TMEM167A: variants seen among roughly 807,000 people sequenced by gnomAD.
The protein encoded by TMEM167A is protein kish-A.
A neutral mutation model predicts 11.6 loss-of-function variants in TMEM167A; 8 were observed. The observed-to-expected ratio is 0.69, with a 90% CI of 0.40 to 1.24. The LOEUF is 1.24. Ranked by LOEUF, TMEM167A falls within the 50% of genes most tolerant of loss-of-function variation. The probability of loss-of-function intolerance (pLI) is 0.01; values close to 1 mark genes in which losing one functional copy is unlikely to be tolerated. For missense variants in TMEM167A, 62 were observed against 87.0 expected (o/e 0.71, Z 1.14); for synonymous variants, 22 against 28.0 (o/e 0.79, Z 0.67).
intron 1 of TMEM167A, among the ~76,000 whole-genome samples, chr5:83,067,732 C>CA (rs1375376353): frequency 2.0e-5 from 3 of 151,890 alleles, no homozygotes; most frequent in African/African-American, 7.2e-5. Context: ...AGGCTGGACT[C>CA]AAACTCTTGA....
chr5:83,060,723 C>T (rs539238736), intron 3 of TMEM167A, among the ~76,000 whole-genome samples: 6 of 151,364 alleles, frequency 4.0e-5, no homozygotes, highest in Admixed American at 4.0e-4. Context: ...CCCAGCTACT[C>T]GGGAGACTGA....
At position 83,053,353 on chromosome 5, in the gene TMEM167A, G is replaced by A. The variant is rs1397170994; in HGVS notation, c.*3731C>T. 1 of 151,776 alleles carries A rather than the reference G, an allele frequency of 6.6e-6. No homozygotes were observed. The allele number at this position is 151,776 out of a possible 1,614,324, so 9.4% of individuals were successfully genotyped here. On this transcript the variant is annotated 3_prime_UTR_variant, in exon 4 of 4. Transcript: ENST00000502346. ...GTGCAGGTGTGTGCTTTAACAATCAGGGCTGCTTTTGGTATCAAGAGTATG... is the reference window on the plus strand; with the variant it reads ...GTGCAGGTGTGTGCTTTAACAATCAAGGCTGCTTTTGGTATCAAGAGTATG...
intron 3 of TMEM167A, among the ~76,000 whole-genome samples, chr5:83,061,266 T>C (rs1483864432): frequency 6.6e-6 from 1 of 152,212 alleles, no homozygotes; most frequent in Admixed American, 6.5e-5. Context: ...CACAACAGCA[T>C]GCTCTATACT....
intron 1 of TMEM167A, 38 bp from the exon 2 acceptor site, chr5:83,065,155 A>G: frequency 7.7e-7 from 1 of 1,296,850 alleles, no homozygotes; most frequent in Middle Eastern, 2.8e-4. Context: ...TAATATCAAG[A>G]AAAACTGCAT....
chr5:83,061,654 A>G (rs990617353), intron 3 of TMEM167A, among the ~76,000 whole-genome samples: 2 of 152,162 alleles, frequency 1.3e-5, no homozygotes, highest in African/African-American at 2.4e-5. Flanking sequence ...CTTGGCCTCA[A>G]AAAGTGCTGG....
At chr5:83,058,430 C>A (rs1466799374) in intron 3 of TMEM167A, among the ~76,000 whole-genome samples, 1 of 151,890 alleles carries the variant, frequency 6.6e-6, no homozygotes, top group Non-Finnish European at 1.5e-5. Context: ...ACTGTTTTTA[C>A]AATACCATCA....
intron 2 of TMEM167A, 194 bp from the exon 3 acceptor site, chr5:83,062,105 C>A: frequency 4.0e-6 from 2 of 506,312 alleles, no homozygotes; most frequent in Non-Finnish European, 7.1e-6. Flanking sequence ...ACATATCAAC[C>A]ATCAATGTAC....
chr5:83,067,512 T>TG (rs1260208205), intron 1 of TMEM167A, among the ~76,000 whole-genome samples: 6 of 151,976 alleles, frequency 3.9e-5, no homozygotes, highest in African/African-American at 1.5e-4. Context: ...AGTTTTTTGG[T>TG]GGGGGGTGGA....
In TMEM167A at chr5:83,077,380, C is replaced by G. The variant is rs1407266812; in HGVS notation, c.-57G>C. 2.5e-6 allele frequency: 4 copies of G among 1,613,654 alleles called. No individual in the cohort carries two copies. In the Admixed American group the frequency reaches 5.0e-5, roughly 20 times the overall value. Reference sequence around the variant, plus strand: ...CCTTCCGGGGCTCAGGCGGAAGAGGCTGCATGTCCCGTCTGCCCTTCTCGC... The same window carrying G: ...CCTTCCGGGGCTCAGGCGGAAGAGGGTGCATGTCCCGTCTGCCCTTCTCGC... On this transcript the variant is annotated 5_prime_UTR_variant, in exon 1 of 4. Transcript: ENST00000502346.
Position 83,056,228 on chromosome 5 carries a change from G to T in TMEM167A, c.*856C>A, listed in dbSNP as rs1744329201. ...TGTTAAAAAACAAAACAAAAATACA[G>T]TTCCTTTACGGCAATTAAAATAAAT... is the stretch of plus-strand genomic sequence containing the variant. On this transcript the variant is annotated 3_prime_UTR_variant, in exon 4 of 4. Coordinates refer to ENST00000502346, the MANE Select transcript of TMEM167A (RefSeq NM_174909.5). 6.6e-6 allele frequency: 1 copy of T among 151,888 alleles called. No individual in the cohort carries two copies. Among genetic ancestry groups the T allele is most frequent in the African/African-American group, 2.4e-5 (1 of 41,386 alleles). 9.4% of individuals were successfully genotyped at this position (151,888 alleles called of 1,614,324 possible).
chr5:83,064,558 C>G (rs947472017), intron 2 of TMEM167A, among the ~76,000 whole-genome samples: 5 of 152,040 alleles, frequency 3.3e-5, no homozygotes, highest in African/African-American at 1.2e-4. Context: ...GGGAAAGATA[C>G]AATGAAACTG....
intron 1 of TMEM167A, among the ~76,000 whole-genome samples, chr5:83,076,336 T>G (rs1744660398): frequency 6.6e-6 from 1 of 152,238 alleles, no homozygotes; most frequent in Non-Finnish European, 1.5e-5. Flanking sequence ...GTTTATATAC[T>G]GTTGATCTTA....
chr5:83,064,836 G>C (rs912875014), intron 2 of TMEM167A, among the ~76,000 whole-genome samples, 172 bp downstream of exon 2: 5 of 151,942 alleles, frequency 3.3e-5, no homozygotes, highest in Admixed American at 2.0e-4. Context: ...TTTTAATTTA[G>C]TAAGATATTG....
In TMEM167A at chr5:83,057,177, C is replaced by T. The variant is rs200792477; in HGVS notation, c.149-23G>A. 43 of 1,606,290 alleles carry T rather than the reference C, an allele frequency of 2.7e-5. No individual in the cohort carries two copies. The African/African-American group carries it at 4.4e-4, about 16-fold the overall frequency. On this transcript the variant is annotated intron_variant, in intron 3 of 3. Coordinates refer to ENST00000502346, the MANE Select transcript of TMEM167A (RefSeq NM_174909.5). ...CACCTGTTGAAAAAAAGGAGATGTT[C>T]ATCTTGATTAACTGAGTGGCTAACC...
At chr5:83,071,889 G>C (rs894158930) in intron 1 of TMEM167A, among the ~76,000 whole-genome samples, 5 of 152,166 alleles carry the variant, frequency 3.3e-5, no homozygotes, top group African/African-American at 1.2e-4. Context: ...GACCTTAGGT[G>C]AATCAACATC....
chr5:83,071,358 C>T (rs1477075033), intron 1 of TMEM167A: 2 of 152,098 alleles, frequency 1.3e-5, no homozygotes, highest in Non-Finnish European at 2.9e-5. Context: ...TGTATTAATA[C>T]TTACTTCTTT....
intron 1 of TMEM167A, among the ~76,000 whole-genome samples, chr5:83,071,167 T>A (rs1162512709): frequency 6.6e-6 from 1 of 152,112 alleles, no homozygotes; most frequent in East Asian, 1.9e-4. Context: ...CTAAACAAAT[T>A]GTTTAGCAAA....
chr5:83,065,407 T>C (rs1228338885), intron 1 of TMEM167A, among the ~76,000 whole-genome samples: 1 of 73,580 alleles, frequency 1.4e-5, no homozygotes, highest in African/African-American at 3.4e-5. Flanking sequence ...TAATTCTGAA[T>C]TTTTTTAAGG....
chr5:83,065,406 AT>A (rs113665237), intron 1 of TMEM167A, among the ~76,000 whole-genome samples: 47,926 of 151,866 alleles, frequency 0.32, 8,837 homozygotes, highest in Non-Finnish European at 0.42. Context: ...TTAATTCTGA[AT>A]TTTTTTAAGG....
Sources: gnomAD v4.1 joint callset for allele counts (sites outside exome capture counted in the v4.1 genomes callset) on GRCh38, gnomAD v4.1.1 for gene constraint, MANE v1.5 for transcripts, NCBI Gene and HGNC (gene_info 2026-07-23, HGNC 2026-07-21) for gene names.